The following KMT2C variants were observed in gnomAD, a reference collection of about 807,000 sequenced individuals.
The protein encoded by KMT2C is histone-lysine N-methyltransferase 2C.
In KMT2C, 88 loss-of-function variants were observed where a neutral mutation model predicts 507.9. That is an observed-to-expected ratio of 0.17 (90% CI 0.15 to 0.21). The LOEUF is 0.21. KMT2C is among the 10% of genes least tolerant of loss of function. The probability of loss-of-function intolerance (pLI) is 1.00; values close to 1 mark genes in which losing one functional copy is unlikely to be tolerated. For synonymous variants in KMT2C, 2,049 were observed against 2,080.8 expected, an observed-to-expected ratio of 0.98 and a Z score of 0.42; for missense variants, 4,954 against 5,957.8, an observed-to-expected ratio of 0.83 and a Z score of 5.55.
chr7:152,339,932 A>ATAGAGGTGGGGT (rs2096975099), intron 2 of KMT2C, among the ~76,000 whole-genome samples: 1 of 152,160 alleles, frequency 6.6e-6, no homozygotes, highest in Admixed American at 6.5e-5. Context: ...AAACACTGAC[A>ATAGAGGTGGGGT]TTCATTATCG....
intron 1 of KMT2C, among the ~76,000 whole-genome samples, chr7:152,401,501 G>T (rs2097573330): frequency 2.6e-5 from 4 of 151,018 alleles, no homozygotes; most frequent in Admixed American, 2.6e-4. Flanking sequence ...GACCAGCCTG[G>T]CCAACATGGA....
rs574432367 is a variant in KMT2C at position 152,238,822 on chromosome 7, G to A, written c.2537C>T (p.Ala846Val). The A allele has an allele frequency of 3.4e-4, 546 of 1,600,352 alleles. 5 individuals are homozygous for A. In the Admixed American group the frequency reaches 8.6e-3, roughly 25 times the overall value. Residue 846 changes from alanine to valine, a missense_variant, in exon 15 of 59, where the codon GCT becomes GTT. Coordinates refer to ENST00000262189, the MANE Select transcript of KMT2C (RefSeq NM_170606.3). ...GCTCACTGTATTATGGGTACTCCAA[G>A]CCCCCTAGGATATGGCAGTTGAGAA... The part of the protein sequence containing the change: ...SPGRPRSKQG[A>V]WSTHNTVSPP...
chr7:152,170,286 A>G (rs1053897865), intron 40 of KMT2C, among the ~76,000 whole-genome samples: 1 of 152,210 alleles, frequency 6.6e-6, no homozygotes, highest in African/African-American at 2.4e-5. Flanking sequence ...AATTATCAGC[A>G]TAATAAATCT....
chr7:152,394,935 A>C (rs1016770054), intron 1 of KMT2C, among the ~76,000 whole-genome samples: 1 of 152,138 alleles, frequency 6.6e-6, no homozygotes, highest in Non-Finnish European at 1.5e-5. Flanking sequence ...TGTGAGGTAA[A>C]TTTTATTTAT....
intron 52 of KMT2C, among the ~76,000 whole-genome samples, chr7:152,147,340 AC>A: frequency 6.6e-6 from 1 of 152,252 alleles, no homozygotes; most frequent in African/African-American, 2.4e-5. Flanking sequence ...GACAATGTAT[AC>A]AGTATGATTT....
intron 14 of KMT2C, among the ~76,000 whole-genome samples, chr7:152,245,818 G>T (rs2095462929): frequency 1.3e-5 from 2 of 151,992 alleles, no homozygotes; most frequent in African/African-American, 4.8e-5. Context: ...TACTTTACTG[G>T]TAAAGACCAA....
intron 1 of KMT2C, among the ~76,000 whole-genome samples, chr7:152,422,217 C>T (rs1589940471): frequency 6.7e-6 from 1 of 149,116 alleles, no homozygotes; most frequent in East Asian, 2.0e-4. Flanking sequence ...GAGGACAAGG[C>T]AAGTGGATCA....
intron 1 of KMT2C, among the ~76,000 whole-genome samples, chr7:152,416,277 G>A (rs556576187): frequency 0.039 from 5,980 of 152,256 alleles, 64 homozygotes; most frequent in South Asian, 0.079. Flanking sequence ...CAGGCGCGAT[G>A]GCTCACACCT....
At chr7:152,245,474 ATTT>A (rs2095456462) in intron 14 of KMT2C, among the ~76,000 whole-genome samples, 1 of 152,156 alleles carries the variant, frequency 6.6e-6, no homozygotes, top group East Asian at 1.9e-4. Flanking sequence ...ATAGATTAAA[ATTT>A]ATTTCACCTG....
rs1005934731 is a variant in KMT2C at position 152,181,145 on chromosome 7, T to A, written c.6715A>T (p.Thr2239Ser). 6.2e-7 allele frequency: 1 copy of A among 1,614,034 alleles called. No homozygotes were observed. Among genetic ancestry groups the A allele is most frequent in the African/African-American group, 1.3e-5 (1 of 74,918 alleles). Residue 2239 changes from threonine to serine, a missense_variant, in exon 36 of 59, where the codon ACA (threonine) becomes TCA (serine). By Grantham distance (58) the Thr-to-Ser change is moderately conservative. Around this residue, in one of 29 missense-constraint regions of KMT2C, gnomAD observed 1,689 missense variants for 1,654.3 expected, o/e 1.02. Coordinates refer to ENST00000262189, the MANE Select transcript of KMT2C (RefSeq NM_170606.3). ...ISEGFTRSSM[T>S]RPVLMPNQDP... ...TGATTTGGCATGAGGACTGGTCTTG[T>A]CATTGAGGACCTAGTAAAACCCTCT...
intron 42 of KMT2C, among the ~76,000 whole-genome samples, chr7:152,166,606 T>C (rs1337680978): frequency 6.6e-6 from 1 of 152,176 alleles, no homozygotes; most frequent in Non-Finnish European, 1.5e-5. Flanking sequence ...GGCAAAATGA[T>C]TTCATTTTTC....
chr7:152,297,096 A>G (rs2096522505), intron 6 of KMT2C, among the ~76,000 whole-genome samples: 1 of 146,860 alleles, frequency 6.8e-6, no homozygotes, highest in Admixed American at 6.8e-5. Flanking sequence ...AGAGAGAGAA[A>G]GAAAGAAAGA....
intron 27 of KMT2C, among the ~76,000 whole-genome samples, chr7:152,198,144 A>G (rs1452693655): frequency 6.6e-6 from 1 of 152,198 alleles, no homozygotes; most frequent in African/African-American, 2.4e-5. Context: ...ACTGACAAGG[A>G]CAAGAGCAGG....
intron 2 of KMT2C, among the ~76,000 whole-genome samples, chr7:152,341,711 A>T (rs1366917602): frequency 1.3e-5 from 2 of 152,236 alleles, no homozygotes. Flanking sequence ...GAAAAACCTG[A>T]TACTTCAAAA....
At position 152,197,933 on chromosome 7, in the gene KMT2C, GA is replaced by G. The variant is rs893836001; in HGVS notation, c.4273+1345del. The stretch of plus-strand genomic sequence containing the variant: ...ATTTTTGTGGAAAAAAATAAATAAA[GA>G]AAAAAAAAAACTTGTATCAATATCT... On this transcript the variant is annotated intron_variant, in intron 27 of 58. Coordinates refer to ENST00000262189, the MANE Select transcript of KMT2C (RefSeq NM_170606.3). Among the ~76,000 whole-genome samples, 341 of 144,200 alleles carry G rather than the reference GA, an allele frequency of 2.4e-3. 2 individuals carry two copies. The highest frequency in any genetic ancestry group is 7.5e-3 in the African/African-American group (295 of 39,520). The allele number at this position is 144,200 out of a possible 152,430, so 94.6% of individuals were successfully genotyped here.
Position 152,305,643 on chromosome 7 carries a change from G to A in KMT2C, c.849+4323C>T, listed in dbSNP as rs1196582180. The stretch of plus-strand genomic sequence containing the variant: ...ATGACTGGACAATCTATTTACATCA[G>A]TATGGACTCGTGTACTTATTCTATG... On this transcript the variant is annotated intron_variant, in intron 6 of 58. Coordinates refer to ENST00000262189, the MANE Select transcript of KMT2C (RefSeq NM_170606.3). Among the ~76,000 whole-genome samples, 10 of 151,886 alleles carry A rather than the reference G, an allele frequency of 6.6e-5. No homozygotes were observed. In the East Asian group the frequency reaches 1.5e-3, roughly 23 times the overall value.
At chr7:152,250,016 A>G in intron 12 of KMT2C, 63 bp from the exon 13 acceptor site, 1 of 938,912 alleles carries the variant, frequency 1.1e-6, no homozygotes, top group South Asian at 1.3e-5. Context: ...TGTTCCCTCA[A>G]CAGTAATTTG....
intron 24 of KMT2C, among the ~76,000 whole-genome samples, 170 bp from the exon 25 acceptor site, chr7:152,205,395 C>CAAAA (rs35077313): frequency 1.7e-5 from 1 of 57,188 alleles, no homozygotes; most frequent in Admixed American, 1.9e-4. Context: ...TAAAAACGAC[C>CAAAA]AAAAAAAAAA....
chr7:152,308,741 C>CT (rs2096642981), intron 6 of KMT2C, among the ~76,000 whole-genome samples: 1 of 146,534 alleles, frequency 6.8e-6, no homozygotes, highest in South Asian at 2.2e-4. Flanking sequence ...ACTCCCAGCA[C>CT]TTTGAGAGGC....
Sources: gnomAD v4.1 joint callset for allele counts (sites outside exome capture counted in the v4.1 genomes callset) on GRCh38, gnomAD v4.1.1 for gene constraint, gnomAD v4.1.1 regional missense constraint, MANE v1.5 for transcripts, NCBI Gene and HGNC (gene_info 2026-07-23, HGNC 2026-07-21) for gene names.